The following ZFAND3 variants were observed in gnomAD, a reference collection of about 807,000 sequenced individuals.
ZFAND3 encodes the protein zinc finger AN1-type containing 3.
A neutral mutation model predicts 29.6 loss-of-function variants in ZFAND3; 10 were observed. The observed-to-expected ratio is 0.34, with a 90% CI of 0.21 to 0.57. The LOEUF (loss-of-function observed/expected upper bound fraction) is 0.57, where lower values mean the gene tolerates loss of function less well. ZFAND3 is among the 20% of genes least tolerant of loss of function. ZFAND3 has a pLI of 0.86. For missense variants in ZFAND3, 230 were observed against 304.5 expected (o/e 0.76, Z 1.82); for synonymous variants, 128 against 112.6 (o/e 1.14, Z -0.87).
At chr6:37,937,955 A>G (rs1761734389) in intron 2 of ZFAND3, among the ~76,000 whole-genome samples, 1 of 152,210 alleles carries the variant, frequency 6.6e-6, no homozygotes. Flanking sequence ...AAACCCACCC[A>G]GAAGTAACAA....
At chr6:38,020,988 T>G (rs1763339240) in intron 2 of ZFAND3, among the ~76,000 whole-genome samples, 1 of 152,236 alleles carries the variant, frequency 6.6e-6, no homozygotes, top group Non-Finnish European at 1.5e-5. Flanking sequence ...GTCAAATTTA[T>G]TAGTGTTTTA....
In ZFAND3 at chr6:38,043,904, A is replaced by T. The variant is rs184630223; in HGVS notation, c.113-17689A>T. On this transcript the variant is annotated intron_variant, in intron 2 of 5. Transcript: ENST00000287218. The stretch of plus-strand genomic sequence containing the variant: ...GTAGTCCTCCCACCTTGACCTCCCA[A>T]AGTGCTGGAATTACAGGTGTGAGCC... Among the ~76,000 whole-genome samples, 187 of 152,192 alleles carry T rather than the reference A, an allele frequency of 1.2e-3. 1 individual carries two copies. Among genetic ancestry groups the T allele is most frequent in the African/African-American group, 3.8e-3 (157 of 41,512 alleles).
intron 1 of ZFAND3, among the ~76,000 whole-genome samples, chr6:37,867,065 AG>A (rs1301712340): frequency 6.6e-6 from 1 of 152,232 alleles, no homozygotes; most frequent in Non-Finnish European, 1.5e-5. Flanking sequence ...GATACAAAAG[AG>A]AATGCATAGT....
intron 1 of ZFAND3, among the ~76,000 whole-genome samples, chr6:37,875,274 G>A (rs1460749357): frequency 6.6e-6 from 1 of 152,178 alleles, no homozygotes; most frequent in Non-Finnish European, 1.5e-5. Context: ...TGTAATAAAA[G>A]AAGGCTTGGA....
chr6:37,833,828 A>G (rs978836646), intron 1 of ZFAND3, among the ~76,000 whole-genome samples: 2 of 151,054 alleles, frequency 1.3e-5, no homozygotes, highest in East Asian at 1.9e-4. Context: ...CTGTCTCAAA[A>G]AAAAAAAAAA....
chr6:37,938,398 C>T (rs1044066322), intron 2 of ZFAND3, among the ~76,000 whole-genome samples: 1 of 152,088 alleles, frequency 6.6e-6, no homozygotes, highest in African/African-American at 2.4e-5. Flanking sequence ...AATTGGTCAC[C>T]TTCATTATAA....
At chr6:37,871,884 A>G (rs775681819) in intron 1 of ZFAND3, among the ~76,000 whole-genome samples, 6 of 152,226 alleles carry the variant, frequency 3.9e-5, no homozygotes, top group Non-Finnish European at 8.8e-5. Context: ...TTTCACTTGA[A>G]TGGTCTCAAA....
intron 1 of ZFAND3, among the ~76,000 whole-genome samples, chr6:37,835,566 A>C (rs1158645969): frequency 6.6e-6 from 1 of 152,032 alleles, no homozygotes; most frequent in Non-Finnish European, 1.5e-5. Context: ...CTTTTTTAAA[A>C]AAATTATAAA....
chr6:37,915,557 G>T (rs259679), intron 1 of ZFAND3: 58,633 of 151,972 alleles, frequency 0.39, 12,097 homozygotes, highest in Non-Finnish European at 0.47. Flanking sequence ...CAAGAAAATG[G>T]GAGACAGATG....
intron 1 of ZFAND3, among the ~76,000 whole-genome samples, chr6:37,844,618 A>G (rs969504322): frequency 6.6e-5 from 10 of 151,918 alleles, no homozygotes; most frequent in African/African-American, 1.2e-4. Flanking sequence ...TGTTTAGGCT[A>G]TTGGTGTGGT....
intron 4 of ZFAND3, among the ~76,000 whole-genome samples, chr6:38,116,096 A>G (rs1765411599): frequency 6.6e-6 from 1 of 152,220 alleles, no homozygotes; most frequent in Non-Finnish European, 1.5e-5. Flanking sequence ...TGGCTTTGGG[A>G]ATGGAATTGT....
chr6:38,030,694 GA>G (rs1280190723), intron 2 of ZFAND3, among the ~76,000 whole-genome samples: 2 of 151,914 alleles, frequency 1.3e-5, no homozygotes, highest in Non-Finnish European at 1.5e-5. Context: ...ATACCCTGCA[GA>G]AATAAAGGAA....
chr6:38,115,625 CTG>C (rs1329727831), intron 4 of ZFAND3, among the ~76,000 whole-genome samples: 5 of 152,016 alleles, frequency 3.3e-5, no homozygotes, highest in African/African-American at 1.2e-4. Context: ...TTGAGGAAGA[CTG>C]TTTAGGAGAC....
chr6:38,099,194 C>T (rs1297935754), intron 4 of ZFAND3, among the ~76,000 whole-genome samples: 1 of 152,146 alleles, frequency 6.6e-6, no homozygotes, highest in Non-Finnish European at 1.5e-5. Context: ...CTGGCTGTTG[C>T]ATCCAAACCA....
intron 1 of ZFAND3, among the ~76,000 whole-genome samples, chr6:37,927,228 T>A (rs1420795106): frequency 7.9e-5 from 12 of 152,236 alleles, no homozygotes; most frequent in Non-Finnish European, 4.4e-5. Context: ...GCCATTTTTT[T>A]AAACCAGGTT....
chr6:37,855,982 C>G (rs994146020), intron 1 of ZFAND3, among the ~76,000 whole-genome samples: 2 of 151,798 alleles, frequency 1.3e-5, no homozygotes, highest in African/African-American at 4.8e-5. Context: ...GACCTATTTC[C>G]TGACATAAAA....
chr6:37,893,897 C>T, intron 1 of ZFAND3, among the ~76,000 whole-genome samples: 1 of 152,048 alleles, frequency 6.6e-6, no homozygotes, highest in African/African-American at 2.4e-5. Flanking sequence ...TTATTGTTGT[C>T]ATGCACTTTC....
chr6:37,914,969 G>T (rs1480207450), intron 1 of ZFAND3, among the ~76,000 whole-genome samples: 1 of 152,202 alleles, frequency 6.6e-6, no homozygotes, highest in African/African-American at 2.4e-5. Flanking sequence ...GAAGTCCTCT[G>T]TAGTATCATT....
chr6:37,918,951 C>CTTTTTTTTTTTTTTT (rs66941014), intron 1 of ZFAND3, among the ~76,000 whole-genome samples: 1,626 of 104,594 alleles, frequency 0.016, 129 homozygotes, highest in Non-Finnish European at 0.024. Context: ...TGAAAAATGC[C>CTTTTTTTTTTTTTTT]TTTTTTTTTT....
Sources: gnomAD v4.1 joint callset for allele counts (sites outside exome capture counted in the v4.1 genomes callset) on GRCh38, gnomAD v4.1.1 for gene constraint, MANE v1.5 for transcripts, NCBI Gene and HGNC (gene_info 2026-07-23, HGNC 2026-07-21) for gene names.